The following HMGA2 variants were observed in gnomAD, a reference collection of about 807,000 sequenced individuals.
The protein encoded by HMGA2 is high mobility group AT-hook 2.
In HMGA2, 8 loss-of-function variants were observed where a neutral mutation model predicts 19.1. The ratio of observed to expected loss-of-function variants is 0.42; its 90% confidence interval spans 0.25 to 0.76. The LOEUF (loss-of-function observed/expected upper bound fraction) is 0.76. Ranked by LOEUF, HMGA2 falls within the 30% of genes least tolerant of loss-of-function variation. The probability of loss-of-function intolerance (pLI) is 0.28; values close to 1 mark genes in which losing one functional copy is unlikely to be tolerated. For synonymous variants in HMGA2, 60 were observed against 48.8 expected, an observed-to-expected ratio of 1.23 and a Z score of -0.96; for missense variants, 109 against 136.3, an observed-to-expected ratio of 0.80 and a Z score of 1.00.
At chr12:65,922,585 G>C (rs1437755987) in intron 3 of HMGA2, among the ~76,000 whole-genome samples, 2 of 152,204 alleles carry the variant, frequency 1.3e-5, no homozygotes, top group Non-Finnish European at 2.9e-5. Flanking sequence ...CCTTGTCTCA[G>C]ATTAGACTTT....
chr12:65,958,880 T>C (rs1207257263), intron 4 of HMGA2: 1 of 151,852 alleles, frequency 6.6e-6, no homozygotes, highest in Non-Finnish European at 1.5e-5. Context: ...TAAGGACTTA[T>C]TAAAGCTGAC....
chr12:65,842,011 C>A, intron 3 of HMGA2: 1 of 1,102,776 alleles, frequency 9.1e-7, no homozygotes, highest in Non-Finnish European at 1.2e-6. Context: ...TTTTATCCCC[C>A]TAGTTTGAAC....
chr12:65,913,571 T>C (rs1269037224), intron 3 of HMGA2, among the ~76,000 whole-genome samples: 1 of 152,252 alleles, frequency 6.6e-6, no homozygotes, highest in Non-Finnish European at 1.5e-5. Context: ...GCATGAGTTA[T>C]AGAACTTCCT....
intron 3 of HMGA2, among the ~76,000 whole-genome samples, chr12:65,843,819 C>T (rs939179590): frequency 6.6e-6 from 1 of 152,012 alleles, no homozygotes; most frequent in African/African-American, 2.4e-5. Context: ...GAGGCCAAGG[C>T]GGGCAGATCA....
intron 1 of HMGA2, chr12:65,826,454 G>T (rs923691312): frequency 6.6e-6 from 1 of 152,330 alleles, no homozygotes; most frequent in South Asian, 2.1e-4. Flanking sequence ...TTTAAAACTT[G>T]CTCTCTGCTT....
At chr12:65,962,291 A>G (rs1475771325) in intron 4 of HMGA2, among the ~76,000 whole-genome samples, 2 of 152,236 alleles carry the variant, frequency 1.3e-5, no homozygotes, top group Non-Finnish European at 2.9e-5. Context: ...TAAATAAGCA[A>G]AAGGAAAGAG....
chr12:65,913,783 C>G (rs549292952), intron 3 of HMGA2, among the ~76,000 whole-genome samples: 81 of 152,260 alleles, frequency 5.3e-4, no homozygotes, highest in African/African-American at 1.9e-3. Flanking sequence ...ACCTGTCTCT[C>G]AGGGTCCCCA....
intron 3 of HMGA2, among the ~76,000 whole-genome samples, chr12:65,938,094 ACT>A (rs1875958848): frequency 6.6e-6 from 1 of 151,796 alleles, no homozygotes; most frequent in African/African-American, 2.4e-5. Flanking sequence ...GTCGGAAGAG[ACT>A]CTCCTGCTGG....
intron 3 of HMGA2, among the ~76,000 whole-genome samples, chr12:65,846,493 G>A (rs922887476): frequency 3.3e-5 from 5 of 152,222 alleles, no homozygotes; most frequent in East Asian, 1.9e-4. Flanking sequence ...GGGAAAGCCC[G>A]TGTTATCACA....
intron 3 of HMGA2, among the ~76,000 whole-genome samples, chr12:65,933,367 C>G (rs552527812): frequency 6.6e-6 from 1 of 152,064 alleles, no homozygotes; most frequent in African/African-American, 2.4e-5. Context: ...ATATACCTGA[C>G]CAGACACAAA....
chr12:65,841,992 T>C, intron 3 of HMGA2: 3 of 181,260 alleles, frequency 1.7e-5, no homozygotes, highest in Non-Finnish European at 3.0e-5. Flanking sequence ...TCCCTTCATC[T>C]TTTTTTTTTT....
intron 4 of HMGA2, among the ~76,000 whole-genome samples, chr12:65,961,761 G>A (rs1349670147): frequency 1.3e-5 from 2 of 150,266 alleles, no homozygotes; most frequent in African/African-American, 2.5e-5. Flanking sequence ...GTGTGTGTAT[G>A]TGTGTGTGTG....
chr12:65,907,659 A>G (rs1874658146), intron 3 of HMGA2, among the ~76,000 whole-genome samples: 1 of 152,196 alleles, frequency 6.6e-6, no homozygotes, highest in South Asian at 2.1e-4. Context: ...GTGGCCACTT[A>G]CAAGGCACAC....
Position 65,966,147 on chromosome 12 carries a change from T to C in HMGA2, c.*2855T>C, listed in dbSNP as rs1876903467. 4.8e-6 allele frequency: 1 copy of C among 207,568 alleles called. No individual in the cohort carries two copies. The highest frequency in any genetic ancestry group is 1.9e-4 in the South Asian group (1 of 5,308). The allele number at this position is 207,568 out of a possible 1,614,324, so 12.9% of individuals were successfully genotyped here. ...TGTCTATGATTGTACTTTGAATCGC[T>C]TGCTTGTTGAAAATATTTCTCTAGT... On this transcript the variant is annotated 3_prime_UTR_variant, in exon 5 of 5. Transcript: ENST00000403681.
At chr12:65,900,331 G>A (rs1353641812) in intron 3 of HMGA2, among the ~76,000 whole-genome samples, 1 of 152,086 alleles carries the variant, frequency 6.6e-6, no homozygotes, top group African/African-American at 2.4e-5. Context: ...ATGACTAAAT[G>A]GCACGCTACT....
At chr12:65,827,256 T>C (rs1264782159) in intron 1 of HMGA2, among the ~76,000 whole-genome samples, 1 of 152,220 alleles carries the variant, frequency 6.6e-6, no homozygotes, top group Non-Finnish European at 1.5e-5. Flanking sequence ...ATAAGAGTTT[T>C]CTCAAAAGAA....
chr12:65,949,023 TG>T (rs1354591829), intron 3 of HMGA2, among the ~76,000 whole-genome samples: 1 of 151,892 alleles, frequency 6.6e-6, no homozygotes, highest in African/African-American at 2.4e-5. Context: ...CAGGGAAAAA[TG>T]GGAGGAAGAT....
At chr12:65,960,539 C>T (rs915712088) in intron 4 of HMGA2, among the ~76,000 whole-genome samples, 1 of 152,182 alleles carries the variant, frequency 6.6e-6, no homozygotes, top group African/African-American at 2.4e-5. Context: ...GCCACCTGCC[C>T]CACCACATCA....
chr12:65,842,913 A>G (rs763567941), intron 3 of HMGA2: 307 of 1,193,252 alleles, frequency 2.6e-4, no homozygotes, highest in Non-Finnish European at 3.1e-4. Flanking sequence ...TAAAGTTGTT[A>G]ACCTCATGTA....
Sources: allele counts gnomAD v4.1 joint callset (sites outside exome capture counted in the v4.1 genomes callset), GRCh38; gene constraint gnomAD v4.1.1; transcripts MANE v1.5; gene names NCBI Gene and HGNC (gene_info 2026-07-23, HGNC 2026-07-21).